FSIP1: variants seen among roughly 807,000 people sequenced by gnomAD.
The protein encoded by FSIP1 is fibrous sheath interacting protein 1, also known as fibrous sheath-interacting protein 1.
FSIP1 carries 65 observed loss-of-function variants against 60.9 expected under a neutral mutation model. The ratio of observed to expected loss-of-function variants is 1.07; its 90% confidence interval spans 0.87 to 1.31. The LOEUF is 1.31. FSIP1 is among the 40% of genes most tolerant of loss of function. FSIP1 has a pLI of 0.00. For synonymous variants in FSIP1, 209 were observed against 221.2 expected (o/e 0.94, Z 0.49); for missense variants, 675 against 665.5 (o/e 1.01, Z -0.16).
chr15:39,696,341 G>T (rs1365657846), intron 10 of FSIP1, among the ~76,000 whole-genome samples: 2 of 151,972 alleles, frequency 1.3e-5, no homozygotes, highest in African/African-American at 4.8e-5. Context: ...ATACAAATGG[G>T]CAATGCACTG....
At position 39,677,362 on chromosome 15, in the gene FSIP1, CAT is replaced by C. The variant is rs527468640; in HGVS notation, c.1188+36080_1188+36081del. Among the ~76,000 whole-genome samples, 216 of 152,236 alleles carry C rather than the reference CAT, an allele frequency of 1.4e-3. 1 individual carries two copies. The highest frequency in any genetic ancestry group is 5.0e-3 in the African/African-American group (208 of 41,538). ...TGGAGAGAACAGGCTTGAGCTTCCC[CAT>C]ATATGTTTCTGTCCTCCCAACTGGG... On this transcript the variant is annotated intron_variant, in intron 10 of 11. Coordinates refer to ENST00000350221, the MANE Select transcript of FSIP1 (RefSeq NM_152597.5).
intron 10 of FSIP1, among the ~76,000 whole-genome samples, chr15:39,682,955 G>T (rs1894224792): frequency 1.3e-5 from 2 of 152,166 alleles, no homozygotes; most frequent in Non-Finnish European, 2.9e-5. Flanking sequence ...GCCCAGAGAT[G>T]ATTCCAGTTG....
At chr15:39,742,864 G>A (rs1344106277) in intron 5 of FSIP1, among the ~76,000 whole-genome samples, 1 of 152,154 alleles carries the variant, frequency 6.6e-6, no homozygotes, top group East Asian at 1.9e-4. Context: ...GTTAGTCTTT[G>A]TACAATCTTT....
intron 10 of FSIP1, among the ~76,000 whole-genome samples, chr15:39,702,928 A>C (rs1895116843): frequency 6.6e-6 from 1 of 151,932 alleles, no homozygotes; most frequent in Non-Finnish European, 1.5e-5. Flanking sequence ...CTCAACAATA[A>C]GAATTTAAGG....
intron 10 of FSIP1, among the ~76,000 whole-genome samples, chr15:39,676,443 G>A (rs563714344): frequency 1.3e-5 from 2 of 152,286 alleles, no homozygotes; most frequent in East Asian, 3.9e-4. Context: ...GAGCCTGGCA[G>A]CCTTCACATG....
At chr15:39,703,874 T>C (rs1245973976) in intron 10 of FSIP1, among the ~76,000 whole-genome samples, 1 of 152,242 alleles carries the variant, frequency 6.6e-6, no homozygotes, top group Non-Finnish European at 1.5e-5. Flanking sequence ...ACTGGGTCAT[T>C]TATTCATTGC....
chr15:39,650,738 A>AT (rs1410778715), intron 10 of FSIP1, among the ~76,000 whole-genome samples: 1 of 152,236 alleles, frequency 6.6e-6, no homozygotes, highest in Non-Finnish European at 1.5e-5. Flanking sequence ...TGATTCTTAA[A>AT]TAAGTATTCA....
intron 10 of FSIP1, among the ~76,000 whole-genome samples, chr15:39,634,350 T>C (rs1231145671): frequency 1.3e-5 from 2 of 152,216 alleles, no homozygotes; most frequent in Non-Finnish European, 2.9e-5. Context: ...CTATTGTCTC[T>C]TAAACTCAAC....
intron 2 of FSIP1, among the ~76,000 whole-genome samples, chr15:39,774,092 T>C (rs1440323212): frequency 1.3e-5 from 2 of 152,192 alleles, no homozygotes; most frequent in East Asian, 1.9e-4. Context: ...AGATTTAATA[T>C]CACAAAGTTA....
chr15:39,689,485 G>A (rs1894512425), intron 10 of FSIP1, among the ~76,000 whole-genome samples: 1 of 151,858 alleles, frequency 6.6e-6, no homozygotes, highest in South Asian at 2.1e-4. Flanking sequence ...AATTATCTAG[G>A]AGCCTCCAGT....
At chr15:39,739,858 G>A (rs1896747130) in intron 6 of FSIP1, 69 bp from the exon 7 acceptor site, 1 of 957,278 alleles carries the variant, frequency 1.0e-6, no homozygotes, top group East Asian at 2.8e-5. Context: ...TTCACTTTAA[G>A]CATATATTAA....
At chr15:39,766,383 T>C (rs575695966) in intron 3 of FSIP1, among the ~76,000 whole-genome samples, 28 of 152,360 alleles carry the variant, frequency 1.8e-4, no homozygotes, top group African/African-American at 6.7e-4. Context: ...TGATTAACGA[T>C]AATAATAACT....
intron 8 of FSIP1, among the ~76,000 whole-genome samples, chr15:39,728,157 A>C (rs1896269403): frequency 6.6e-6 from 1 of 152,236 alleles, no homozygotes; most frequent in Non-Finnish European, 1.5e-5. Context: ...AAATGGAAAA[A>C]CATTCCATGC....
chr15:39,613,705 A>C (rs142873366), intron 11 of FSIP1, among the ~76,000 whole-genome samples: 46 of 152,350 alleles, frequency 3.0e-4, no homozygotes, highest in African/African-American at 1.1e-3. Flanking sequence ...GAAAATCCTC[A>C]ACAAAGTACT....
rs542221515 is a variant in FSIP1, at chr15:39,670,462, T to G, written c.1188+42982A>C. ...TAGATGCAAACAAAAGATTCATGAT[T>G]ATTTTCTCTCTTTTGTCTTTTTCTT... On this transcript the variant is annotated intron_variant, in intron 10 of 11. Transcript: ENST00000350221. Among the ~76,000 whole-genome samples the G allele has an allele frequency of 4.9e-4, 73 of 149,250 alleles. 1 individual carries two copies. The highest frequency in any genetic ancestry group is 1.7e-3 in the African/African-American group (68 of 40,020).
intron 10 of FSIP1, among the ~76,000 whole-genome samples, chr15:39,623,177 T>C (rs969070602): frequency 6.6e-6 from 1 of 152,114 alleles, no homozygotes; most frequent in Non-Finnish European, 1.5e-5. Context: ...CTCACTCTCA[T>C]CCCTGCCCCA....
In FSIP1 at chr15:39,738,119, T is replaced by C. The variant is rs754407015; in HGVS notation, c.863A>G (p.Glu288Gly). 1.2e-6 allele frequency: 2 copies of C among 1,612,648 alleles called. No homozygotes were observed. The highest frequency in any genetic ancestry group is 1.7e-5 in the Admixed American group (1 of 59,962). The part of the protein sequence containing the change: ...RLVELLKDLD[E>G]KDSGLSSSEG... ...AGAACTGGAGAGCCCGGAATCTTTC[T>C]CATCCAAGTCCTTCAAAAGCTCAAC... Residue 288 changes from glutamate to glycine, a missense_variant, in exon 8 of 12, where the codon GAG becomes GGG. Glu to Gly is a moderately conservative substitution (Grantham distance 98). Coordinates refer to ENST00000350221, the MANE Select transcript of FSIP1 (RefSeq NM_152597.5).
intron 10 of FSIP1, among the ~76,000 whole-genome samples, chr15:39,618,881 C>G (rs1891339969): frequency 6.6e-6 from 1 of 151,794 alleles, no homozygotes; most frequent in South Asian, 2.1e-4. Flanking sequence ...AGCTGAATAC[C>G]ATAACATTTG....
chr15:39,728,118 T>A (rs1896267781), intron 8 of FSIP1, among the ~76,000 whole-genome samples: 1 of 152,122 alleles, frequency 6.6e-6, no homozygotes, highest in African/African-American at 2.4e-5. Flanking sequence ...TAAAAAGCAC[T>A]GCTCAAAGAA....
Sources: gnomAD v4.1 joint callset for allele counts (sites outside exome capture counted in the v4.1 genomes callset) on GRCh38, gnomAD v4.1.1 for gene constraint, MANE v1.5 for transcripts, NCBI Gene and HGNC (gene_info 2026-07-23, HGNC 2026-07-21) for gene names.